ADGRB3: variants seen among roughly 807,000 people sequenced by gnomAD.
ADGRB3 encodes brain-specific angiogenesis inhibitor 3.
ADGRB3 carries 37 observed loss-of-function variants against 193.4 expected under a neutral mutation model. That is an observed-to-expected ratio of 0.19 (90% CI 0.15 to 0.25). The LOEUF (loss-of-function observed/expected upper bound fraction) is 0.25. Among genes scored for constraint, ADGRB3 ranks in the 10% least tolerant of loss-of-function variants. The probability of loss-of-function intolerance (pLI) is 1.00; values close to 1 mark genes in which losing one functional copy is unlikely to be tolerated. For synonymous variants in ADGRB3, 690 were observed against 644.2 expected (o/e 1.07, Z -1.08); for missense variants, 1,637 against 1,852.9 (o/e 0.88, Z 2.14).
In ADGRB3 at chr6:68,931,795, G is replaced by C. The variant is rs959173092; in HGVS notation, c.868+1126G>C. Among the ~76,000 whole-genome samples, 11 of 152,098 alleles carry C rather than the reference G, an allele frequency of 7.2e-5. 1 individual carries two copies. Among genetic ancestry groups the C allele is most frequent in the Non-Finnish European group, 1.5e-4 (10 of 68,006 alleles). The stretch of plus-strand genomic sequence containing the variant: ...TAGAAGATTTTGATACATTAGTTGA[G>C]TTGTAAGGAGGTCAAATTTTCAGAA... On this transcript the variant is annotated intron_variant, in intron 4 of 31. Transcript: ENST00000370598.
chr6:69,177,620 A>G (rs1390700111), intron 17 of ADGRB3, among the ~76,000 whole-genome samples: 5 of 152,176 alleles, frequency 3.3e-5, no homozygotes, highest in Admixed American at 1.3e-4. Flanking sequence ...TGCTGGGATT[A>G]CAGGTGTGAG....
chr6:69,078,856 C>T (rs1324253073), intron 17 of ADGRB3, among the ~76,000 whole-genome samples: 3 of 152,070 alleles, frequency 2.0e-5, no homozygotes, highest in Admixed American at 6.6e-5. Flanking sequence ...CTTTCTTATT[C>T]ATCACTGCAC....
intron 3 of ADGRB3, among the ~76,000 whole-genome samples, chr6:68,766,620 G>C (rs1315916571): frequency 2.0e-5 from 3 of 151,674 alleles, no homozygotes; most frequent in Non-Finnish European, 4.4e-5. Flanking sequence ...ATGTTTTCTT[G>C]ATTGTTTTAA....
At chr6:69,328,059 A>G (rs915733054) in intron 22 of ADGRB3, among the ~76,000 whole-genome samples, 170 bp downstream of exon 22, 2 of 152,228 alleles carry the variant, frequency 1.3e-5, no homozygotes, top group Non-Finnish European at 2.9e-5. Flanking sequence ...GTTAAGAAAT[A>G]AATGTTGTGG....
At chr6:69,286,084 A>G (rs1245491454) in intron 20 of ADGRB3, among the ~76,000 whole-genome samples, 1 of 152,072 alleles carries the variant, frequency 6.6e-6, no homozygotes, top group Non-Finnish European at 1.5e-5. Context: ...TGCTTCTACA[A>G]AATAGTCTGC....
At chr6:68,952,127 T>A (rs1767935990) in intron 6 of ADGRB3, among the ~76,000 whole-genome samples, 1 of 152,212 alleles carries the variant, frequency 6.6e-6, no homozygotes, top group Non-Finnish European at 1.5e-5. Flanking sequence ...ACTCTTAATT[T>A]CTACCCCCCC....
At chr6:68,994,778 G>A (rs1428237338) in intron 11 of ADGRB3, among the ~76,000 whole-genome samples, 1 of 152,036 alleles carries the variant, frequency 6.6e-6, no homozygotes, top group Non-Finnish European at 1.5e-5. Flanking sequence ...ATAAAGATTT[G>A]GCAAAACTCC....
chr6:69,216,924 C>T (rs1270355986), intron 17 of ADGRB3, among the ~76,000 whole-genome samples: 1 of 152,188 alleles, frequency 6.6e-6, no homozygotes, highest in African/African-American at 2.4e-5. Flanking sequence ...GAGCTGCCCA[C>T]ACAACTCTCA....
At chr6:68,938,273 G>C (rs548570144) in intron 5 of ADGRB3, among the ~76,000 whole-genome samples, 2 of 151,930 alleles carry the variant, frequency 1.3e-5, no homozygotes, top group African/African-American at 4.8e-5. Context: ...GGGGGAAGAT[G>C]AAAAATATGA....
intron 10 of ADGRB3, among the ~76,000 whole-genome samples, chr6:68,987,421 G>A (rs1464482035): frequency 6.6e-6 from 1 of 152,068 alleles, no homozygotes; most frequent in Non-Finnish European, 1.5e-5. Context: ...CAAGAGTCCG[G>A]TAAGTTGTTT....
intron 29 of ADGRB3, among the ~76,000 whole-genome samples, chr6:69,366,354 T>C (rs939869685): frequency 1.3e-5 from 2 of 152,146 alleles, no homozygotes; most frequent in East Asian, 1.9e-4. Context: ...AGTAGGTTTA[T>C]TGGTCACTTT....
At chr6:68,948,359 G>A (rs958308009) in intron 6 of ADGRB3, among the ~76,000 whole-genome samples, 5 of 152,152 alleles carry the variant, frequency 3.3e-5, no homozygotes, top group Admixed American at 2.6e-4. Context: ...CCTCTACGGT[G>A]ATTTGATCAC....
At chr6:69,288,698 C>G (rs1767603931) in intron 20 of ADGRB3, among the ~76,000 whole-genome samples, 1 of 152,168 alleles carries the variant, frequency 6.6e-6, no homozygotes, top group Non-Finnish European at 1.5e-5. Context: ...TGGTGTACTT[C>G]CTGGGCAGGT....
At chr6:69,294,048 C>T (rs1441725194) in intron 20 of ADGRB3, among the ~76,000 whole-genome samples, 1 of 152,162 alleles carries the variant, frequency 6.6e-6, no homozygotes, top group Non-Finnish European at 1.5e-5. Flanking sequence ...GGATGTATCA[C>T]TGTTCCCTCT....
rs114011710 is a variant in ADGRB3, at chr6:68,821,626, G to A, written c.758-108933G>A. Reference sequence around the variant, plus strand: ...GAGTTTTGAGTGAAATGGATCATGCGTATAATTTGCCTCTTTTTTTTTTAG... The same window carrying A: ...GAGTTTTGAGTGAAATGGATCATGCATATAATTTGCCTCTTTTTTTTTTAG... On this transcript the variant is annotated intron_variant, in intron 3 of 31. Coordinates refer to ENST00000370598, the MANE Select transcript of ADGRB3 (RefSeq NM_001704.3). 2.4e-3 allele frequency among the ~76,000 whole-genome samples: 357 copies of A among 151,296 alleles called. 2 individuals carry two copies. The highest frequency in any genetic ancestry group is 8.3e-3 in the African/African-American group (343 of 41,370).
At chr6:68,860,738 T>G (rs558570181) in intron 3 of ADGRB3, among the ~76,000 whole-genome samples, 1 of 152,302 alleles carries the variant, frequency 6.6e-6, no homozygotes, top group African/African-American at 2.4e-5. Context: ...TATGACAATT[T>G]TTTTTCCTGT....
chr6:69,252,628 T>C (rs1766648234), intron 20 of ADGRB3, among the ~76,000 whole-genome samples: 1 of 152,130 alleles, frequency 6.6e-6, no homozygotes, highest in African/African-American at 2.4e-5. Flanking sequence ...TTCATGTCCT[T>C]ATAGGCCATT....
intron 17 of ADGRB3, among the ~76,000 whole-genome samples, chr6:69,139,802 A>G (rs1481738493): frequency 6.6e-6 from 1 of 152,242 alleles, no homozygotes; most frequent in Non-Finnish European, 1.5e-5. Flanking sequence ...AACCACAACT[A>G]GTGTATCCTG....
intron 17 of ADGRB3, among the ~76,000 whole-genome samples, chr6:69,128,838 A>G (rs565717058): frequency 6.6e-4 from 100 of 152,268 alleles, no homozygotes; most frequent in South Asian, 1.7e-3. Context: ...ACTTTAAAAT[A>G]ATTTGCCTGA....
Sources: allele counts gnomAD v4.1 joint callset (sites outside exome capture counted in the v4.1 genomes callset), GRCh38; gene constraint gnomAD v4.1.1; transcripts MANE v1.5; gene names NCBI Gene and HGNC (gene_info 2026-07-23, HGNC 2026-07-21).